The following PLXNA2 variants were observed in gnomAD, a reference collection of about 807,000 sequenced individuals.
PLXNA2 encodes plexin-A2.
PLXNA2 carries 91 observed loss-of-function variants against 193.5 expected under a neutral mutation model. The observed-to-expected ratio is 0.47, with a 90% CI of 0.40 to 0.56. The LOEUF is 0.56. Ranked by LOEUF, PLXNA2 falls within the 20% of genes least tolerant of loss-of-function variation. PLXNA2 has a pLI of 0.00. For missense variants in PLXNA2, 1,995 were observed against 2,503.2 expected (o/e 0.80, Z 4.33); for synonymous variants, 997 against 1,027.3 (o/e 0.97, Z 0.56).
At chr1:208,186,684 G>A (rs1334057560) in intron 3 of PLXNA2, among the ~76,000 whole-genome samples, 2 of 150,894 alleles carry the variant, frequency 1.3e-5, no homozygotes, top group African/African-American at 4.9e-5. Context: ...AGGAATGAAG[G>A]GCTGTCCTGG....
chr1:208,149,324 A>T (rs545475793), intron 3 of PLXNA2, among the ~76,000 whole-genome samples: 1 of 151,322 alleles, frequency 6.6e-6, no homozygotes, highest in Non-Finnish European at 1.5e-5. Context: ...TGTTGTGTGC[A>T]TGAGTGTGGT....
intron 2 of PLXNA2, among the ~76,000 whole-genome samples, chr1:208,215,058 G>T (rs1035391419): frequency 1.3e-5 from 2 of 151,674 alleles, no homozygotes; most frequent in African/African-American, 2.4e-5. Context: ...TGTCACCCAG[G>T]CTGGAGTATA....
At position 208,046,058 on chromosome 1, in the gene PLXNA2, G is replaced by T; in HGVS notation, c.3315C>A (p.Asp1105Glu). 1 of 1,614,264 alleles carries T rather than the reference G, an allele frequency of 6.2e-7. No homozygotes were observed. The highest frequency in any genetic ancestry group is 8.5e-7 in the Non-Finnish European group (1 of 1,180,046). Residue 1105 changes from aspartate to glutamate, a missense_variant, in exon 18 of 32, where the codon GAC becomes GAA. Physicochemically the swap from Asp to Glu is conservative, Grantham distance 45 (BLOSUM62 2). This residue lies in a region of PLXNA2 where 1,291 missense variants were observed against 1,673.6 expected (regional missense o/e 0.77). Coordinates refer to ENST00000367033, the MANE Select transcript of PLXNA2 (RefSeq NM_025179.4). Reference protein sequence around the residue: ...LTCLAPSLTTDYRPGLDTVER... With the variant: ...LTCLAPSLTTEYRPGLDTVER... ...CCACAGTGTCCAGGCCAGGGCGGTA[G>T]TCCGTGGTCAGAGAGGGTGCCAGGC... is the stretch of plus-strand genomic sequence containing the variant.
chr1:208,231,904 C>A (rs1338145306), intron 1 of PLXNA2, among the ~76,000 whole-genome samples: 1 of 152,226 alleles, frequency 6.6e-6, no homozygotes, highest in Non-Finnish European at 1.5e-5. Context: ...AGATCACTTA[C>A]TCAAGAGGAT....
At chr1:208,189,670 C>T (rs1319238432) in intron 3 of PLXNA2, among the ~76,000 whole-genome samples, 1 of 152,168 alleles carries the variant, frequency 6.6e-6, no homozygotes, top group African/African-American at 2.4e-5. Flanking sequence ...TCATCATTCT[C>T]ATTTTGCAAA....
chr1:208,237,387 T>A (rs1005119487), intron 1 of PLXNA2, among the ~76,000 whole-genome samples: 2 of 151,938 alleles, frequency 1.3e-5, no homozygotes, highest in Non-Finnish European at 2.9e-5. Context: ...GTAATAATAT[T>A]TCCTGAGGCA....
intron 2 of PLXNA2, among the ~76,000 whole-genome samples, chr1:208,211,498 T>C (rs367630138): frequency 5.5e-4 from 83 of 152,178 alleles, no homozygotes; most frequent in African/African-American, 1.3e-3. Context: ...TCGAGACCAT[T>C]CTGGCCAACA....
chr1:208,156,733 C>A (rs2102507237), intron 3 of PLXNA2, among the ~76,000 whole-genome samples: 1 of 152,264 alleles, frequency 6.6e-6, no homozygotes, highest in South Asian at 2.1e-4. Context: ...TATAAATTCC[C>A]AGATGTAGAA....
intron 4 of PLXNA2, among the ~76,000 whole-genome samples, chr1:208,141,691 A>G (rs1668460165): frequency 6.6e-6 from 1 of 152,004 alleles, no homozygotes; most frequent in African/African-American, 2.4e-5. Context: ...TCCCTTCACC[A>G]TGGCTCTCTC....
intron 9 of PLXNA2, among the ~76,000 whole-genome samples, chr1:208,088,367 T>A (rs1018561640): frequency 6.6e-6 from 1 of 152,208 alleles, no homozygotes; most frequent in African/African-American, 2.4e-5. Context: ...AATGGCATTA[T>A]CTTCACCCAC....
chr1:208,159,368 A>G (rs953929941), intron 3 of PLXNA2, among the ~76,000 whole-genome samples: 1 of 152,214 alleles, frequency 6.6e-6, no homozygotes, highest in African/African-American at 2.4e-5. Flanking sequence ...ATAGAAGAGG[A>G]ACTGAGTCCT....
At chr1:208,158,221 CTCTG>C (rs1195270201) in intron 3 of PLXNA2, among the ~76,000 whole-genome samples, 2 of 152,156 alleles carry the variant, frequency 1.3e-5, no homozygotes, top group African/African-American at 2.4e-5. Context: ...ACCTGTGTCC[CTCTG>C]TCTGTTTTTA....
intron 3 of PLXNA2, among the ~76,000 whole-genome samples, chr1:208,193,936 T>C (rs1168954350): frequency 6.6e-6 from 1 of 151,986 alleles, no homozygotes; most frequent in Non-Finnish European, 1.5e-5. Context: ...ACGAAAAATT[T>C]TATTAAAAAA....
At chr1:208,242,349 C>T (rs950496678) in intron 1 of PLXNA2, among the ~76,000 whole-genome samples, 1 of 152,156 alleles carries the variant, frequency 6.6e-6, no homozygotes, top group Admixed American at 6.5e-5. Flanking sequence ...AGCCAAGATA[C>T]TCATCTTGGC....
chr1:208,076,808 T>A (rs1666163485), intron 12 of PLXNA2, among the ~76,000 whole-genome samples: 1 of 152,222 alleles, frequency 6.6e-6, no homozygotes, highest in Non-Finnish European at 1.5e-5. Flanking sequence ...AGAATATTAA[T>A]AAGGCACGTT....
chr1:208,032,104 G>A, intron 28 of PLXNA2: 1 of 985,438 alleles, frequency 1.0e-6, no homozygotes, highest in Non-Finnish European at 1.2e-6. Flanking sequence ...AGCCAGTCCG[G>A]AAACAGTGTC....
chr1:208,069,617 T>C (rs953367563), intron 12 of PLXNA2, among the ~76,000 whole-genome samples: 1 of 152,012 alleles, frequency 6.6e-6, no homozygotes, highest in African/African-American at 2.4e-5. Flanking sequence ...TCAGGTGGGC[T>C]GTTCCTAGGT....
At chr1:208,153,703 C>T (rs764853900) in intron 3 of PLXNA2, among the ~76,000 whole-genome samples, 3 of 152,156 alleles carry the variant, frequency 2.0e-5, no homozygotes, top group Admixed American at 6.5e-5. Flanking sequence ...GAGTTGGGGT[C>T]TGAGGAACAG....
chr1:208,139,318 C>A (rs910805577), intron 4 of PLXNA2, among the ~76,000 whole-genome samples: 1 of 152,178 alleles, frequency 6.6e-6, no homozygotes, highest in African/African-American at 2.4e-5. Flanking sequence ...AGGCCTAGAA[C>A]ACAGATCTCC....
Sources: allele counts gnomAD v4.1 joint callset (sites outside exome capture counted in the v4.1 genomes callset), GRCh38; gene constraint gnomAD v4.1.1; regional missense constraint gnomAD v4.1.1; transcripts MANE v1.5; gene names NCBI Gene and HGNC (gene_info 2026-07-23, HGNC 2026-07-21).